The following RSBN1L variants were observed in gnomAD, a reference collection of about 807,000 sequenced individuals.
RSBN1L encodes the protein round spermatid basic protein 1 like.
RSBN1L carries 30 observed loss-of-function variants against 67.7 expected under a neutral mutation model. The ratio of observed to expected loss-of-function variants is 0.44; its 90% confidence interval spans 0.33 to 0.60. The LOEUF (loss-of-function observed/expected upper bound fraction) is 0.60. RSBN1L is among the 20% of genes least tolerant of loss of function. The pLI, the probability that RSBN1L is intolerant of heterozygous loss-of-function variation, is 0.02. For synonymous variants in RSBN1L, 433 were observed against 387.0 expected, an observed-to-expected ratio of 1.12 and a Z score of -1.39; for missense variants, 992 against 1,031.7, an observed-to-expected ratio of 0.96 and a Z score of 0.53.
intron 2 of RSBN1L, among the ~76,000 whole-genome samples, chr7:77,738,385 G>C (rs985333327): frequency 6.6e-6 from 1 of 152,168 alleles, no homozygotes; most frequent in African/African-American, 2.4e-5. Context: ...ACTGAAACTA[G>C]TGATGATTAA....
intron 1 of RSBN1L, among the ~76,000 whole-genome samples, chr7:77,713,174 T>G (rs1302751103): frequency 6.6e-6 from 1 of 152,154 alleles, no homozygotes; most frequent in Non-Finnish European, 1.5e-5. Context: ...AAAAATTGAT[T>G]TGTGAAACTT....
chr7:77,717,844 CCT>C (rs1471098123), intron 1 of RSBN1L, among the ~76,000 whole-genome samples: 1 of 152,114 alleles, frequency 6.6e-6, no homozygotes, highest in African/African-American at 2.4e-5. Context: ...ATGGTGAAAC[CCT>C]GTCTCTACTA....
chr7:77,745,070 T>G (rs1791462760), intron 2 of RSBN1L, among the ~76,000 whole-genome samples: 1 of 152,096 alleles, frequency 6.6e-6, no homozygotes, highest in Admixed American at 6.5e-5. Flanking sequence ...AAGACCAGCC[T>G]GAACAACATG....
chr7:77,705,053 C>T (rs777688225), intron 1 of RSBN1L, among the ~76,000 whole-genome samples: 1 of 151,872 alleles, frequency 6.6e-6, no homozygotes, highest in Non-Finnish European at 1.5e-5. Flanking sequence ...CCCAAACTAT[C>T]ATTAATTGAT....
chr7:77,777,461 A>G (rs1156265523), intron 6 of RSBN1L, among the ~76,000 whole-genome samples: 1 of 151,474 alleles, frequency 6.6e-6, no homozygotes, highest in Non-Finnish European at 1.5e-5. Context: ...TTATTTGAAC[A>G]TGTTTTTATT....
At chr7:77,751,818 C>T (rs1265485939) in intron 3 of RSBN1L, among the ~76,000 whole-genome samples, 1 of 152,208 alleles carries the variant, frequency 6.6e-6, no homozygotes, top group Non-Finnish European at 1.5e-5. Context: ...ATTCATTTGT[C>T]GTTTATTGCA....
intron 1 of RSBN1L, among the ~76,000 whole-genome samples, chr7:77,713,271 A>G (rs535778413): frequency 6.6e-5 from 10 of 152,066 alleles, no homozygotes; most frequent in Non-Finnish European, 1.5e-4. Context: ...AAGGGGGTGT[A>G]CTTGGTCTTT....
chr7:77,771,215 G>A (rs1170285929), intron 5 of RSBN1L, among the ~76,000 whole-genome samples: 1 of 152,152 alleles, frequency 6.6e-6, no homozygotes. Flanking sequence ...GCCTAGGCAT[G>A]AGCCACTGTG....
At chr7:77,728,246 T>A (rs4729658) in intron 1 of RSBN1L, among the ~76,000 whole-genome samples, 13,500 of 152,256 alleles carry the variant, frequency 0.089, 793 homozygotes, top group South Asian at 0.19. Flanking sequence ...GGTAATTTTT[T>A]AAAAATTTTT....
rs967138781 is a variant in RSBN1L at position 77,779,256 on chromosome 7, C to T, written c.*88C>T. On this transcript the variant is annotated 3_prime_UTR_variant, in exon 8 of 8. Coordinates refer to ENST00000334955, the MANE Select transcript of RSBN1L (RefSeq NM_198467.3). ...TCTGAAAGCAAGCCAAGGACTTGCT[C>T]CTATGTCTGTTACAAAACATAGTTT... The T allele has an allele frequency of 5.6e-6, 5 of 885,184 alleles. No individual in the cohort carries two copies. Among genetic ancestry groups the T allele is most frequent in the South Asian group, 1.8e-5 (1 of 54,882 alleles). 54.8% of individuals were successfully genotyped at this position (885,184 alleles called of 1,614,324 possible).
chr7:77,749,812 C>A lies in RSBN1L; in HGVS notation c.1092C>A (p.Ala364=). 6.2e-7 allele frequency: 1 copy of A among 1,614,150 alleles called. No homozygotes were observed. The highest frequency in any genetic ancestry group is 8.5e-7 in the Non-Finnish European group (1 of 1,180,022). ...QPNGGASVIH[A]YSNELSHLSP... ...ATGGAGGTGCATCGGTTATCCATGCCTACAGTAACGAACTCTCCCACCTGT... is the reference window on the plus strand; with the variant it reads ...ATGGAGGTGCATCGGTTATCCATGCATACAGTAACGAACTCTCCCACCTGT... The change falls in exon 3 of 8, where the codon GCC becomes GCA. Residue 364 remains alanine (A), a synonymous_variant. Coordinates refer to ENST00000334955, the MANE Select transcript of RSBN1L (RefSeq NM_198467.3).
intron 1 of RSBN1L, among the ~76,000 whole-genome samples, chr7:77,718,865 T>C (rs970983517): frequency 6.6e-6 from 1 of 152,152 alleles, no homozygotes; most frequent in Non-Finnish European, 1.5e-5. Flanking sequence ...GAGTTGCTCA[T>C]TGGTGTTGAG....
chr7:77,742,661 A>G (rs1031962900), intron 2 of RSBN1L, among the ~76,000 whole-genome samples: 1 of 152,048 alleles, frequency 6.6e-6, no homozygotes, highest in African/African-American at 2.4e-5. Flanking sequence ...AACGTGGTGA[A>G]ACCCCGATTC....
At chr7:77,751,581 T>TTTCTATAAAACAA (rs1471996766) in intron 3 of RSBN1L, among the ~76,000 whole-genome samples, 1 of 152,238 alleles carries the variant, frequency 6.6e-6, no homozygotes, top group Non-Finnish European at 1.5e-5. Context: ...CCCAAAATGG[T>TTTCTATAAAACAA]GAGTTACTTG....
At chr7:77,751,191 G>C (rs1791552044) in intron 3 of RSBN1L, among the ~76,000 whole-genome samples, 1 of 152,170 alleles carries the variant, frequency 6.6e-6, no homozygotes, top group Admixed American at 6.5e-5. Flanking sequence ...TCAGACTGGA[G>C]TGCAGTGGTG....
intron 2 of RSBN1L, 126 bp from the exon 3 acceptor site, chr7:77,749,298 A>G (rs1791523364): frequency 1.5e-6 from 1 of 674,468 alleles, no homozygotes; most frequent in Admixed American, 3.7e-5. Flanking sequence ...GTAAAAAATG[A>G]GTCCTAAATA....
At chr7:77,750,114 A>G (rs749143519) in intron 3 of RSBN1L, 50 bp downstream of exon 3, 85 of 1,152,552 alleles carry the variant, frequency 7.4e-5, no homozygotes, top group Middle Eastern at 3.0e-4. Flanking sequence ...ATATTTTTAG[A>G]TGAGTTTCTG....
intron 1 of RSBN1L, among the ~76,000 whole-genome samples, chr7:77,728,921 G>A (rs1200006314): frequency 6.6e-6 from 1 of 152,190 alleles, no homozygotes; most frequent in African/African-American, 2.4e-5. Context: ...GCTAACGATA[G>A]TCTTGATCCT....
At chr7:77,733,867 C>G (rs1791299675) in intron 1 of RSBN1L, among the ~76,000 whole-genome samples, 1 of 152,256 alleles carries the variant, frequency 6.6e-6, no homozygotes, top group Non-Finnish European at 1.5e-5. Context: ...TGGCTCACGC[C>G]TGTAATCCCA....
Sources: gnomAD v4.1 joint callset for allele counts (sites outside exome capture counted in the v4.1 genomes callset) on GRCh38, gnomAD v4.1.1 for gene constraint, MANE v1.5 for transcripts, NCBI Gene and HGNC (gene_info 2026-07-23, HGNC 2026-07-21) for gene names.